MAGI1: variants seen among roughly 807,000 people sequenced by gnomAD.
The protein encoded by MAGI1 is membrane associated guanylate kinase, WW and PDZ domain containing 1.
MAGI1 carries 58 observed loss-of-function variants against 139.9 expected under a neutral mutation model. That is an observed-to-expected ratio of 0.41 (90% confidence interval 0.34 to 0.52). The LOEUF (loss-of-function observed/expected upper bound fraction) is 0.52, where lower values mean the gene tolerates loss of function less well. MAGI1 is among the 20% of genes least tolerant of loss of function. The pLI is 0.12. For synonymous variants in MAGI1, 812 were observed against 737.9 expected (o/e 1.10, Z -1.63); for missense variants, 1,874 against 1,901.6 (o/e 0.99, Z 0.27).
At chr3:65,386,328 G>A (rs992763438) in intron 14 of MAGI1, among the ~76,000 whole-genome samples, 1 of 151,692 alleles carries the variant, frequency 6.6e-6, no homozygotes, top group Non-Finnish European at 1.5e-5. Context: ...CTGTTGAAAA[G>A]GAAGATGCCC....
chr3:65,845,248 T>C (rs2058948557), intron 1 of MAGI1, among the ~76,000 whole-genome samples: 1 of 102,638 alleles, frequency 9.7e-6, no homozygotes, highest in Admixed American at 1.2e-4. Flanking sequence ...GGAGACTCCA[T>C]CTCAAAAAAA....
chr3:65,810,326 T>C (rs2041144823), intron 1 of MAGI1, among the ~76,000 whole-genome samples: 1 of 152,226 alleles, frequency 6.6e-6, no homozygotes, highest in African/African-American at 2.4e-5. Context: ...CTCTCTTTTA[T>C]CCAGTCTCTA....
At chr3:65,991,771 T>C (rs1356165747) in intron 1 of MAGI1, among the ~76,000 whole-genome samples, 5 of 152,116 alleles carry the variant, frequency 3.3e-5, no homozygotes, top group African/African-American at 1.2e-4. Context: ...TCCCAGCACT[T>C]TGAGAGGCCG....
intron 1 of MAGI1, among the ~76,000 whole-genome samples, chr3:65,765,007 G>T (rs1437519810): frequency 6.6e-6 from 1 of 152,122 alleles, no homozygotes; most frequent in Admixed American, 6.5e-5. Flanking sequence ...AGAAATTATA[G>T]GAACTAAATT....
chr3:65,515,213 G>A (rs1433579219), intron 2 of MAGI1, among the ~76,000 whole-genome samples: 1 of 146,552 alleles, frequency 6.8e-6, no homozygotes, highest in Non-Finnish European at 1.5e-5. Flanking sequence ...AATGCTAGAT[G>A]ACGAGTTAGT....
At chr3:65,750,748 G>T (rs148881420) in intron 1 of MAGI1, among the ~76,000 whole-genome samples, 15 of 152,230 alleles carry the variant, frequency 9.9e-5, no homozygotes, top group African/African-American at 3.6e-4. Context: ...CAAGTTCCCC[G>T]CAAGGTATTT....
chr3:65,382,552 G>A (rs761225344), intron 15 of MAGI1, among the ~76,000 whole-genome samples: 43 of 152,134 alleles, frequency 2.8e-4, no homozygotes, highest in African/African-American at 8.7e-4. Context: ...TTTAGCACCC[G>A]AAAGCAGAGC....
chr3:65,716,823 T>C (rs1422780466), intron 1 of MAGI1, among the ~76,000 whole-genome samples: 2 of 152,176 alleles, frequency 1.3e-5, no homozygotes, highest in Non-Finnish European at 2.9e-5. Flanking sequence ...TGCAGCATGA[T>C]TTAAAAAGTG....
chr3:65,683,480 AAAAAG>A (rs1442160762), intron 1 of MAGI1, among the ~76,000 whole-genome samples: 2 of 151,652 alleles, frequency 1.3e-5, no homozygotes, highest in Non-Finnish European at 2.9e-5. Context: ...CCTTATTAAA[AAAAAG>A]AAAAGAAAAA....
intron 2 of MAGI1, chr3:65,549,556 C>G: frequency 1.2e-6 from 1 of 851,938 alleles, no homozygotes; most frequent in African/African-American, 1.8e-5. Context: ...TAGGCTCGGC[C>G]AGGGTGTCCC....
At chr3:66,025,101 GTCA>G (rs2068180461) in intron 1 of MAGI1, among the ~76,000 whole-genome samples, 1 of 152,148 alleles carries the variant, frequency 6.6e-6, no homozygotes, top group Non-Finnish European at 1.5e-5. Flanking sequence ...TATGAGGGTA[GTCA>G]TCAATATGTT....
intron 1 of MAGI1, chr3:65,687,375 C>T: frequency 3.1e-6 from 1 of 321,732 alleles, no homozygotes; most frequent in Non-Finnish European, 6.4e-6. Flanking sequence ...GAGTTCAGGC[C>T]CTTTGTACCA....
intron 1 of MAGI1, among the ~76,000 whole-genome samples, chr3:65,974,699 G>A (rs1181038330): frequency 1.3e-5 from 2 of 152,132 alleles, no homozygotes; most frequent in Non-Finnish European, 2.9e-5. Flanking sequence ...CTGTCAGCAG[G>A]GGGCTTCAGT....
chr3:65,808,232 G>A (rs537951178), intron 1 of MAGI1, among the ~76,000 whole-genome samples: 15 of 152,238 alleles, frequency 9.9e-5, no homozygotes, highest in African/African-American at 1.9e-4. Flanking sequence ...TGATCCACCC[G>A]CCTTGGCCTC....
chr3:65,816,982 G>C (rs13059631), intron 1 of MAGI1, among the ~76,000 whole-genome samples: 93,021 of 152,050 alleles, frequency 0.61, 29,038 homozygotes, highest in East Asian at 0.93. Context: ...GAGCATTTAT[G>C]CATTATCTTG....
intron 1 of MAGI1, among the ~76,000 whole-genome samples, chr3:65,860,335 A>C (rs1269052364): frequency 6.6e-6 from 1 of 152,254 alleles, no homozygotes; most frequent in African/African-American, 2.4e-5. Flanking sequence ...AAAGCCAATT[A>C]GATCTATAAC....
intron 1 of MAGI1, among the ~76,000 whole-genome samples, chr3:65,879,949 C>T (rs1232557652): frequency 6.6e-6 from 1 of 152,216 alleles, no homozygotes; most frequent in African/African-American, 2.4e-5. Context: ...AGACACATGG[C>T]ATCAGCTACT....
chr3:65,386,340 C>A (rs893767492), intron 14 of MAGI1, among the ~76,000 whole-genome samples: 3 of 151,940 alleles, frequency 2.0e-5, no homozygotes, highest in Non-Finnish European at 2.9e-5. Context: ...AAGATGCCCA[C>A]TGACACTAGG....
At chr3:65,359,535 C>G in intron 22 of MAGI1, 2 of 1,009,022 alleles carry the variant, frequency 2.0e-6, no homozygotes, top group Non-Finnish European at 2.4e-6. Flanking sequence ...CCAAAGACCG[C>G]GGCAGTTAAA....
Sources: gnomAD v4.1 joint callset for allele counts (sites outside exome capture counted in the v4.1 genomes callset) on GRCh38, gnomAD v4.1.1 for gene constraint, MANE v1.5 for transcripts, NCBI Gene and HGNC (gene_info 2026-07-23, HGNC 2026-07-21) for gene names.